JAKMIP1: variants seen among roughly 807,000 people sequenced by gnomAD.
The protein encoded by JAKMIP1 is janus kinase and microtubule interacting protein 1, also known as janus kinase and microtubule-interacting protein 1.
JAKMIP1 carries 33 observed loss-of-function variants against 113.0 expected under a neutral mutation model. The ratio of observed to expected loss-of-function variants is 0.29; its 90% CI spans 0.22 to 0.39. The LOEUF (loss-of-function observed/expected upper bound fraction) is 0.39, where lower values mean the gene tolerates loss of function less well. Among genes scored for constraint, JAKMIP1 ranks in the 10% least tolerant of loss-of-function variants. The pLI is 1.00. For synonymous variants in JAKMIP1, 480 were observed against 459.9 expected, an observed-to-expected ratio of 1.04 and a Z score of -0.56; for missense variants, 813 against 1,080.5, an observed-to-expected ratio of 0.75 and a Z score of 3.47.
chr4:6,056,819 A>C, intron 11 of JAKMIP1, 60 bp from the exon 12 acceptor site: 2 of 1,160,984 alleles, frequency 1.7e-6, no homozygotes, highest in Non-Finnish European at 2.6e-6. Flanking sequence ...TCAAGTAACA[A>C]ACTTTTAGTG....
In JAKMIP1 at chr4:6,162,242, C is replaced by A. The variant is rs142889351; in HGVS notation, c.-148+38011G>T. On this transcript the variant is annotated intron_variant, in intron 1 of 20. Coordinates refer to ENST00000409021, the MANE Select transcript of JAKMIP1 (RefSeq NM_001099433.2). This position sits in a 1 kb window ranked among gnomAD's most constrained non-coding sequence, Gnocchi z 5.6. Reference sequence around the variant, plus strand: ...ACCACTGGTCTTATGAGGAATGGGACCTCTCAGCTGCTGGAAGGCCTACCT... The same window carrying A: ...ACCACTGGTCTTATGAGGAATGGGAACTCTCAGCTGCTGGAAGGCCTACCT... Among the ~76,000 whole-genome samples, 825 of 152,296 alleles carry A rather than the reference C, an allele frequency of 5.4e-3. 7 individuals carry two copies. Among genetic ancestry groups the A allele is most frequent in the Middle Eastern group, 0.014 (4 of 294 alleles).
At chr4:6,054,613 C>T in intron 12 of JAKMIP1, 1 of 395,678 alleles carries the variant, frequency 2.5e-6, no homozygotes, top group Non-Finnish European at 5.1e-6. Flanking sequence ...TCCTGCTTCC[C>T]CACAGAGCTT....
At chr4:6,070,792 GTT>G (rs1337072415) in intron 8 of JAKMIP1, among the ~76,000 whole-genome samples, 1 of 152,100 alleles carries the variant, frequency 6.6e-6, no homozygotes, top group Non-Finnish European at 1.5e-5. Context: ...ATTTGTCAGC[GTT>G]TTACCATTTT....
rs547817614 is a variant in JAKMIP1, at chr4:6,087,538, T to C, written c.625-1909A>G. Among the ~76,000 whole-genome samples, 65 of 152,066 alleles carry C rather than the reference T, an allele frequency of 4.3e-4. 1 individual carries two copies. In the South Asian group the frequency reaches 0.012, roughly 28 times the overall value. ...CCACTAAAAACTGAAAAAAATAACA[T>C]AGAGATGAGAGAAGAAAGGAAATGG... is the stretch of plus-strand genomic sequence containing the variant. On this transcript the variant is annotated intron_variant, in intron 3 of 20. Coordinates refer to ENST00000409021, the MANE Select transcript of JAKMIP1 (RefSeq NM_001099433.2).
chr4:6,176,986 T>C lies in JAKMIP1; in HGVS notation c.-148+23267A>G, dbSNP rs1725415102. Among the ~76,000 whole-genome samples the C allele has an allele frequency of 6.6e-6, 1 of 152,112 alleles. No individual in the cohort carries two copies. Among genetic ancestry groups the C allele is most frequent in the Non-Finnish European group, 1.5e-5 (1 of 68,032 alleles). ...AGGTTGAGGCTGCAGTGAGCCATGA[T>C]TTGTGCCACTGCACTCCAGCCTGGG... On this transcript the variant is annotated intron_variant, in intron 1 of 20. Coordinates refer to ENST00000409021, the MANE Select transcript of JAKMIP1 (RefSeq NM_001099433.2). The surrounding 1 kb of genome is among the most constrained non-coding windows in gnomAD (Gnocchi z 5.5).
intron 13 of JAKMIP1, among the ~76,000 whole-genome samples, chr4:6,053,025 C>T (rs1294839315): frequency 6.6e-6 from 1 of 152,246 alleles, no homozygotes; most frequent in East Asian, 1.9e-4. Context: ...GCCACAGACA[C>T]TGTGAAGGTG....
Position 6,156,393 on chromosome 4 carries a change from T to C in JAKMIP1, c.-147-43396A>G, listed in dbSNP as rs971756633. 5.9e-5 allele frequency among the ~76,000 whole-genome samples: 9 copies of C among 152,250 alleles called. No homozygotes were observed. The highest frequency in any genetic ancestry group is 1.9e-4 in the African/African-American group (8 of 41,470). On this transcript the variant is annotated intron_variant, in intron 1 of 20. Coordinates refer to ENST00000409021, the MANE Select transcript of JAKMIP1 (RefSeq NM_001099433.2). This position sits in a 1 kb window ranked among gnomAD's most constrained non-coding sequence, Gnocchi z 5.0. ...ACAAAAATAATGATGCATGTCCCAA[T>C]TGACAGCAGCTTAGATTTAATAAAA...
At chr4:6,062,227 G>T in intron 10 of JAKMIP1, 85 bp downstream of exon 10, 2 of 1,465,538 alleles carry the variant, frequency 1.4e-6, no homozygotes, top group Non-Finnish European at 1.9e-6. Flanking sequence ...GAGTGTCCAA[G>T]CCAGGGTATG....
In JAKMIP1 at chr4:6,156,163, ATCT is replaced by A. The variant is rs1223846971; in HGVS notation, c.-147-43169_-147-43167del. 2.6e-5 allele frequency among the ~76,000 whole-genome samples: 4 copies of A among 152,328 alleles called. No homozygotes were observed. The East Asian group carries it at 7.7e-4, about 29-fold the overall frequency. ...TTTCTTGGGAGCAGAGACCGGGAAC[ATCT>A]TCTCACCGTACCACGCCCGGCACAG... On this transcript the variant is annotated intron_variant, in intron 1 of 20. Coordinates refer to ENST00000409021, the MANE Select transcript of JAKMIP1 (RefSeq NM_001099433.2). The surrounding 1 kb of genome is among the most constrained non-coding windows in gnomAD (Gnocchi z 5.0).
At chr4:6,165,325 G>C (rs1244383484) in intron 1 of JAKMIP1, among the ~76,000 whole-genome samples, 2 of 152,214 alleles carry the variant, frequency 1.3e-5, no homozygotes, top group Non-Finnish European at 1.5e-5. Flanking sequence ...AGGCTCTGTA[G>C]CCCAGGCTGG....
At chr4:6,028,516 C>G (rs1009287490) in intron 20 of JAKMIP1, among the ~76,000 whole-genome samples, 2 of 152,212 alleles carry the variant, frequency 1.3e-5, no homozygotes, top group African/African-American at 4.8e-5. Context: ...AGTGCTGTCC[C>G]ATCTCTCTGG....
In JAKMIP1 at chr4:6,119,084, C is replaced by T. The variant is rs9995146; in HGVS notation, c.-147-6087G>A. 5.3e-5 allele frequency among the ~76,000 whole-genome samples: 8 copies of T among 151,992 alleles called. No homozygotes were observed. The East Asian group carries it at 5.8e-4, about 11-fold the overall frequency. On this transcript the variant is annotated intron_variant, in intron 1 of 20. Coordinates refer to ENST00000409021, the MANE Select transcript of JAKMIP1 (RefSeq NM_001099433.2). ...AGCCGACAGCCACCCAAAGCTGGAGCGGGGAAGGACTGACAGCTTTTTTTA... is the reference window on the plus strand; with the variant it reads ...AGCCGACAGCCACCCAAAGCTGGAGTGGGGAAGGACTGACAGCTTTTTTTA...
chr4:6,117,170 C>T (rs575601826), intron 1 of JAKMIP1, among the ~76,000 whole-genome samples: 134 of 152,290 alleles, frequency 8.8e-4, no homozygotes, highest in African/African-American at 3.1e-3. Context: ...CAGGGTGTGA[C>T]TCGGATTTCC....
At position 6,184,394 on chromosome 4, in the gene JAKMIP1, C is replaced by T. The variant is rs544739663; in HGVS notation, c.-148+15859G>A. On this transcript the variant is annotated intron_variant, in intron 1 of 20. Transcript: ENST00000409021. This position sits in a 1 kb window ranked among gnomAD's most constrained non-coding sequence, Gnocchi z 4.5. Reference sequence around the variant, plus strand: ...CCCACTGCTGGTTTTCAGACTCTGCCGCCTTCCCTCCTTTCCTAGAAATGA... The same window carrying T: ...CCCACTGCTGGTTTTCAGACTCTGCTGCCTTCCCTCCTTTCCTAGAAATGA... 1.3e-5 allele frequency among the ~76,000 whole-genome samples: 2 copies of T among 152,284 alleles called. No individual in the cohort carries two copies. The highest frequency in any genetic ancestry group is 1.9e-4 in the East Asian group (1 of 5,166).
chr4:6,062,725 T>G (rs1006271453), intron 9 of JAKMIP1, among the ~76,000 whole-genome samples: 11 of 152,098 alleles, frequency 7.2e-5, no homozygotes, highest in African/African-American at 2.7e-4. Flanking sequence ...CAGGAATCAC[T>G]TGAGTTATGT....
chr4:6,061,600 T>A lies in JAKMIP1; in HGVS notation c.1560+712A>T, dbSNP rs939695983. ...GCTCTGTTCAGCATCATCTGGGTAT[T>A]TGGGGGCAAGTTGCTCAGTTCTGAG... is the stretch of plus-strand genomic sequence containing the variant. On this transcript the variant is annotated intron_variant, in intron 10 of 20. Transcript: ENST00000409021. This position sits in a 1 kb window ranked among gnomAD's most constrained non-coding sequence, Gnocchi z 5.3. Among the ~76,000 whole-genome samples the A allele has an allele frequency of 6.6e-6, 1 of 151,764 alleles. No individual in the cohort carries two copies. The highest frequency in any genetic ancestry group is 1.5e-5 in the Non-Finnish European group (1 of 67,924).
At chr4:6,113,589 G>C (rs1715286137) in intron 1 of JAKMIP1, among the ~76,000 whole-genome samples, 1 of 152,208 alleles carries the variant, frequency 6.6e-6, no homozygotes, top group Non-Finnish European at 1.5e-5. Context: ...GAGACACACA[G>C]AGGTTGACTG....
chr4:6,173,778 A>G (rs182341047), intron 1 of JAKMIP1, among the ~76,000 whole-genome samples: 11 of 152,362 alleles, frequency 7.2e-5, no homozygotes, highest in Non-Finnish European at 8.8e-5. Context: ...AAGGACGTTT[A>G]TAAAATCATA....
intron 20 of JAKMIP1, 116 bp from the exon 21 acceptor site, chr4:6,026,394 G>C: frequency 1.6e-6 from 1 of 643,958 alleles, no homozygotes; most frequent in Non-Finnish European, 2.8e-6. Context: ...AGGACACTGA[G>C]TTGTTGGGTT....
Sources: gnomAD v4.1 joint callset for allele counts (sites outside exome capture counted in the v4.1 genomes callset) on GRCh38, gnomAD v4.1.1 for gene constraint, Gnocchi (gnomAD v3.1) non-coding constraint, MANE v1.5 for transcripts, NCBI Gene and HGNC (gene_info 2026-07-23, HGNC 2026-07-21) for gene names.